The following C17orf75 variants were observed in gnomAD, a reference collection of about 807,000 sequenced individuals.
C17orf75 encodes the protein protein Njmu-R1.
A neutral mutation model predicts 49.6 loss-of-function variants in C17orf75; 32 were observed. The observed-to-expected ratio is 0.65, with a 90% CI of 0.49 to 0.87. The LOEUF (loss-of-function observed/expected upper bound fraction) is 0.87, where lower values mean the gene tolerates loss of function less well. C17orf75 is among the 40% of genes least tolerant of loss of function. The pLI, the probability that C17orf75 is intolerant of heterozygous loss-of-function variation, is 0.00. For synonymous variants in C17orf75, 158 were observed against 159.5 expected, an observed-to-expected ratio of 0.99 and a Z score of 0.07; for missense variants, 428 against 473.9, an observed-to-expected ratio of 0.90 and a Z score of 0.90.
upstream of C17orf75, among the ~76,000 whole-genome samples, chr17:32,347,180 C>T (rs564532786): frequency 3.3e-4 from 51 of 152,280 alleles, no homozygotes; most frequent in Non-Finnish European, 4.3e-4. Context: ...AGGCTGGTCT[C>T]GAACTCTTGA....
intron 1 of C17orf75, among the ~76,000 whole-genome samples, chr17:32,347,298 G>C (rs1022947689): frequency 6.6e-6 from 1 of 150,914 alleles, no homozygotes; most frequent in Non-Finnish European, 1.5e-5. Context: ...TTTCCCCCGA[G>C]ATGGAGTTTC....
upstream of C17orf75, chr17:32,343,798 A>G (rs1019452433): frequency 1.5e-6 from 1 of 668,096 alleles, no homozygotes. Flanking sequence ...CACATGACAG[A>G]GGCATTTCAG....
At chr17:32,337,600 T>C (rs2150776603) in intron 5 of C17orf75, among the ~76,000 whole-genome samples, 1 of 152,312 alleles carries the variant, frequency 6.6e-6, no homozygotes, top group South Asian at 2.1e-4. Flanking sequence ...TATTTTATTT[T>C]TTTAACTCTG....
upstream of C17orf75, chr17:32,344,059 C>T: frequency 1.5e-6 from 1 of 651,704 alleles, no homozygotes; most frequent in Non-Finnish European, 2.8e-6. Context: ...CCGACCAGTC[C>T]CCAGCACAGG....
intron 1 of C17orf75, chr17:32,349,898 G>GT: frequency 9.5e-7 from 1 of 1,051,002 alleles, no homozygotes; most frequent in Non-Finnish European, 1.2e-6. Context: ...AATCTTTTCC[G>GT]TTTTTTTGTT....
At chr17:32,349,554 C>T (rs1489028839) in intron 1 of C17orf75, among the ~76,000 whole-genome samples, 1 of 151,864 alleles carries the variant, frequency 6.6e-6, no homozygotes, top group Non-Finnish European at 1.5e-5. Flanking sequence ...GCACTCCAGC[C>T]TGGGAGACAG....
rs1159449969 is a variant in C17orf75, at chr17:32,333,402, C to CATGAAAA, written c.975+14_975+15insTTTTCAT. 6.4e-7 allele frequency: 1 copy of CATGAAAA among 1,574,760 alleles called. No homozygotes were observed. Among genetic ancestry groups the CATGAAAA allele is most frequent in the Non-Finnish European group, 8.7e-7 (1 of 1,154,012 alleles). On this transcript the variant is annotated intron_variant, in intron 9 of 9. Transcript: ENST00000577809. ...AAAATTTCATGTGGCACTTGGCACACAGCCAACTAATTACCTTTAGTTTAA... is the reference window on the plus strand; with the variant it reads ...AAAATTTCATGTGGCACTTGGCACACATGAAAAAGCCAACTAATTACCTTTAGTTTAA...
chr17:32,332,757 T>A (rs1005701939), intron 9 of C17orf75, among the ~76,000 whole-genome samples: 1 of 152,134 alleles, frequency 6.6e-6, no homozygotes, highest in Admixed American at 6.5e-5. Flanking sequence ...CAGAGTAAGA[T>A]TCTGTCTCTT....
chr17:32,343,748 A>G, upstream of C17orf75: 1 of 618,624 alleles, frequency 1.6e-6, no homozygotes, highest in Non-Finnish European at 2.9e-6. Context: ...CTTATCTCTC[A>G]TTTCAACTAC....
At chr17:32,342,323 C>A (rs1031835139), upstream of C17orf75, 7 of 988,842 alleles carry the variant, frequency 7.1e-6, no homozygotes, top group African/African-American at 1.0e-4. Context: ...GGCTGACAGG[C>A]GTACTGAGTT....
In C17orf75 at chr17:32,337,643, G is replaced by A. The variant is rs772226652; in HGVS notation, c.549+254C>T. Reference sequence around the variant, plus strand: ...GGCTGGAGTGCAGTGGTGCAATCTCGGCTCACTGAAACCTCTGCCTCCCGG... The same window carrying A: ...GGCTGGAGTGCAGTGGTGCAATCTCAGCTCACTGAAACCTCTGCCTCCCGG... On this transcript the variant is annotated intron_variant, in intron 5 of 9. Transcript: ENST00000577809. Among the ~76,000 whole-genome samples the A allele has an allele frequency of 1.9e-3, 294 of 151,990 alleles. 2 individuals are homozygous for A. The highest frequency in any genetic ancestry group is 5.3e-4 in the African/African-American group (22 of 41,434).
intron 8 of C17orf75, 23 bp downstream of exon 8, chr17:32,334,446 C>T: frequency 6.2e-7 from 1 of 1,604,958 alleles, no homozygotes; most frequent in African/African-American, 1.3e-5. Flanking sequence ...TGTAGGAAGG[C>T]TGCTTCAGAG....
At chr17:32,341,334 G>C (rs2150779129) in intron 1 of C17orf75, 50 bp from the exon 2 acceptor site, 2 of 1,592,236 alleles carry the variant, frequency 1.3e-6, no homozygotes, top group East Asian at 4.5e-5. Flanking sequence ...TCTAAACCAA[G>C]AGGAGTATGG....
Position 32,349,948 on chromosome 17 carries a change from C to T in C17orf75, c.-13G>A, listed in dbSNP as rs758942546. 7 of 1,133,008 alleles carry T rather than the reference C, an allele frequency of 6.2e-6. No homozygotes were observed. The East Asian group carries it at 1.7e-4, about 28-fold the overall frequency. The allele number at this position is 1,133,008 out of a possible 1,614,324, so 70.2% of individuals were successfully genotyped here. ...CGCATGCCCCTTAGCGTACCTGGGG[C>T]TCCGGCTCCTTTACAAATGAAACCC... On this transcript the variant is annotated 5_prime_UTR_variant, in exon 1 of 9. Transcript: ENST00000583774.
intron 2 of C17orf75, among the ~76,000 whole-genome samples, chr17:32,340,453 A>G (rs1470453158): frequency 6.6e-6 from 1 of 152,076 alleles, no homozygotes; most frequent in Non-Finnish European, 1.5e-5. Context: ...ATCCTGGCTA[A>G]CACAGTGAAA....
upstream of C17orf75, among the ~76,000 whole-genome samples, chr17:32,344,803 A>T (rs1396943714): frequency 6.6e-6 from 1 of 151,752 alleles, no homozygotes; most frequent in Non-Finnish European, 1.5e-5. Context: ...GCTACTCAGG[A>T]GGCTGAGGCA....
At chr17:32,341,944 CCGGGGGCGGGGCCGCAGGGG>C in intron 1 of C17orf75, 36 bp downstream of exon 1, 1 of 1,245,836 alleles carries the variant, frequency 8.0e-7, no homozygotes, top group Non-Finnish European at 1.0e-6. Flanking sequence ...GGGCGGCGGG[CCGGGGGCGGGGCCGCAGGGG>C]CGGGCGGGCT....
At position 32,333,418 on chromosome 17, in the gene C17orf75, T is replaced by C; in HGVS notation, c.974A>G (p.Lys325Arg). 1 of 1,599,052 alleles carries C rather than the reference T, an allele frequency of 6.3e-7. No individual in the cohort carries two copies. The highest frequency in any genetic ancestry group is 8.5e-7 in the Non-Finnish European group (1 of 1,172,948). Residue 325 changes from lysine to arginine, a missense_variant and splice_region_variant, in exon 9 of 10, where the codon AAG becomes AGG. By Grantham distance (26) the Lys-to-Arg change is conservative. Transcript: ENST00000577809. ...FRQVLENFKLKAIQDTNNLKR... is the reference protein window; with the variant it reads ...FRQVLENFKLRAIQDTNNLKR... ...CTTGGCACACAGCCAACTAATTACC[T>C]TTAGTTTAAAGTTCTCCAGTACTTG...
At position 32,331,574 on chromosome 17, in the gene C17orf75, T is replaced by G; in HGVS notation, c.*189A>C. 1 of 530,688 alleles carries G rather than the reference T, an allele frequency of 1.9e-6. No homozygotes were observed. Among genetic ancestry groups the G allele is most frequent in the East Asian group, 3.0e-5 (1 of 33,838 alleles). 32.9% of individuals were successfully genotyped at this position (530,688 alleles called of 1,614,324 possible). ...AATTTCACAACTCTCACATACATTA[T>G]CTATCTAGGACTCAGTGAAGATGTT... On this transcript the variant is annotated 3_prime_UTR_variant, in exon 10 of 10. Transcript: ENST00000577809.
Sources: allele counts gnomAD v4.1 joint callset (sites outside exome capture counted in the v4.1 genomes callset), GRCh38; gene constraint gnomAD v4.1.1; transcripts MANE v1.5; gene names NCBI Gene and HGNC (gene_info 2026-07-23, HGNC 2026-07-21).